The following PCDH15 variants were observed in gnomAD, a reference collection of about 807,000 sequenced individuals.
PCDH15 encodes protocadherin-15.
A neutral mutation model predicts 178.5 loss-of-function variants in PCDH15; 129 were observed. The ratio of observed to expected loss-of-function variants is 0.72; its 90% confidence interval spans 0.63 to 0.84. The LOEUF is 0.84. Among genes scored for constraint, PCDH15 ranks in the 40% least tolerant of loss-of-function variants. The pLI, the probability that PCDH15 is intolerant of heterozygous loss-of-function variation, is 0.00. For synonymous variants in PCDH15, 800 were observed against 732.0 expected (o/e 1.09, Z -1.50); for missense variants, 2,230 against 2,099.9 (o/e 1.06, Z -1.21).
intron 3 of PCDH15, among the ~76,000 whole-genome samples, chr10:54,501,641 A>G (rs1410597741): frequency 1.3e-5 from 2 of 151,830 alleles, no homozygotes; most frequent in African/African-American, 4.8e-5. Context: ...TCTCCCTTCT[A>G]CTCTTCTACT....
intron 3 of PCDH15, among the ~76,000 whole-genome samples, chr10:54,878,156 T>G (rs780903950): frequency 2.0e-5 from 3 of 151,544 alleles, no homozygotes; most frequent in Non-Finnish European, 4.4e-5. Flanking sequence ...AGAGACGGGG[T>G]TTCGCCATGT....
intron 24 of PCDH15, 26 bp from the exon 25 acceptor site, chr10:53,938,981 G>T (rs1184625187): frequency 6.2e-7 from 1 of 1,606,570 alleles, no homozygotes; most frequent in East Asian, 2.2e-5. Context: ...CAATTACCTG[G>T]TCATTGTCTT....
chr10:54,601,334 GA>G (rs34662652), intron 2 of PCDH15, among the ~76,000 whole-genome samples: 18,340 of 151,356 alleles, frequency 0.12, 1,278 homozygotes, highest in Middle Eastern at 0.18. Context: ...AAATTTACAG[GA>G]AAAAAACAAA....
chr10:54,431,721 C>T (rs1956988436), intron 3 of PCDH15, among the ~76,000 whole-genome samples: 2 of 152,130 alleles, frequency 1.3e-5, no homozygotes, highest in South Asian at 4.1e-4. Flanking sequence ...ACTTTCATTA[C>T]TGTTGTTTAA....
intron 18 of PCDH15, among the ~76,000 whole-genome samples, chr10:54,046,081 T>C (rs538936517): frequency 1.3e-5 from 2 of 152,192 alleles, no homozygotes; most frequent in South Asian, 2.1e-4. Flanking sequence ...AGTAAGTAAA[T>C]ATATGAAAAG....
intron 1 of PCDH15, among the ~76,000 whole-genome samples, chr10:55,175,926 A>C (rs1329619491): frequency 6.6e-6 from 1 of 152,002 alleles, no homozygotes; most frequent in Non-Finnish European, 1.5e-5. Context: ...AACATGGGGA[A>C]GCCACCTTAA....
At chr10:55,077,368 T>C (rs75968970) in intron 2 of PCDH15, among the ~76,000 whole-genome samples, 3 of 152,080 alleles carry the variant, frequency 2.0e-5, no homozygotes, top group Non-Finnish European at 4.4e-5. Flanking sequence ...TTATCTTATT[T>C]TTTTGTCCCT....
chr10:54,803,779 T>G (rs538491370), upstream of PCDH15, among the ~76,000 whole-genome samples: 1 of 152,342 alleles, frequency 6.6e-6, no homozygotes, highest in Admixed American at 6.5e-5. Flanking sequence ...CGGAAAGAGA[T>G]TGTATTAGGT....
rs1164537357 is a variant in PCDH15, at chr10:55,076,677, T to C, written c.-80+89899A>G. Among the ~76,000 whole-genome samples the C allele has an allele frequency of 2.6e-5, 4 of 151,340 alleles. No individual in the cohort carries two copies. The East Asian group carries it at 7.8e-4, about 29-fold the overall frequency. ...TTTCACCATGTTGCCTAGGCTAGTA[T>C]CAAACTTATGAACTCAGGCAATCCA... On this transcript the variant is annotated intron_variant, in intron 2 of 5. Transcript: ENST00000458638.
chr10:54,614,375 CA>C (rs1032336284), intron 2 of PCDH15, among the ~76,000 whole-genome samples: 2 of 151,924 alleles, frequency 1.3e-5, no homozygotes, highest in Admixed American at 1.3e-4. Flanking sequence ...GAGGTAAAAG[CA>C]GTTGAAAATG....
At chr10:55,212,487 G>A (rs1223301119) in intron 1 of PCDH15, among the ~76,000 whole-genome samples, 1 of 151,914 alleles carries the variant, frequency 6.6e-6, no homozygotes. Flanking sequence ...GTGGGACAAC[G>A]AACCTTGGGT....
At chr10:53,976,309 C>T (rs1017626903) in intron 21 of PCDH15, among the ~76,000 whole-genome samples, 1 of 152,010 alleles carries the variant, frequency 6.6e-6, no homozygotes, top group Non-Finnish European at 1.5e-5. Context: ...TCATTTAACA[C>T]GTTCACTAAA....
chr10:55,215,282 C>T (rs1001416219), intron 1 of PCDH15, among the ~76,000 whole-genome samples: 6 of 152,086 alleles, frequency 3.9e-5, no homozygotes, highest in African/African-American at 1.4e-4. Flanking sequence ...CTTTTTAGTA[C>T]TGAATTATTT....
intron 2 of PCDH15, among the ~76,000 whole-genome samples, chr10:54,981,918 G>T (rs111973556): frequency 3.0e-4 from 45 of 151,572 alleles, no homozygotes; most frequent in African/African-American, 9.2e-4. Flanking sequence ...TAGAACTCTT[G>T]GTGCACATTT....
chr10:54,458,432 C>T (rs1310162370), intron 3 of PCDH15, among the ~76,000 whole-genome samples: 1 of 152,118 alleles, frequency 6.6e-6, no homozygotes, highest in Non-Finnish European at 1.5e-5. Context: ...GTTATCTTCT[C>T]TCCATACAAT....
intron 1 of PCDH15, among the ~76,000 whole-genome samples, chr10:54,756,188 T>C (rs1287537438): frequency 6.6e-6 from 1 of 151,936 alleles, no homozygotes; most frequent in Non-Finnish European, 1.5e-5. Context: ...AGGCAGAGTT[T>C]GCAGTGAGCC....
intron 2 of PCDH15, among the ~76,000 whole-genome samples, chr10:55,624,841 C>T (rs1156294330): frequency 1.3e-5 from 2 of 152,008 alleles, no homozygotes; most frequent in Non-Finnish European, 2.9e-5. Context: ...AGAACGTGAT[C>T]AATCATCTCT....
At chr10:54,484,284 C>G (rs772275198) in intron 3 of PCDH15, among the ~76,000 whole-genome samples, 5 of 151,822 alleles carry the variant, frequency 3.3e-5, no homozygotes, top group Non-Finnish European at 5.9e-5. Context: ...TTCTGAATAT[C>G]CTTTTTTTGA....
intron 2 of PCDH15, among the ~76,000 whole-genome samples, chr10:55,618,524 C>T (rs1843523487): frequency 6.6e-6 from 1 of 151,974 alleles, no homozygotes; most frequent in Non-Finnish European, 1.5e-5. Context: ...ACCAAGAAGT[C>T]GTATCTGATT....
Sources: allele counts gnomAD v4.1 joint callset (sites outside exome capture counted in the v4.1 genomes callset), GRCh38; gene constraint gnomAD v4.1.1; transcripts MANE v1.5; gene names NCBI Gene and HGNC (gene_info 2026-07-23, HGNC 2026-07-21).